Variants in SMAD2 observed in about 807,000 individuals in gnomAD.
SMAD2 encodes SMAD family member 2.
SMAD2 carries 8 observed loss-of-function variants against 64.4 expected under a neutral mutation model. That is an observed-to-expected ratio of 0.12 (90% CI 0.07 to 0.22). The LOEUF (loss-of-function observed/expected upper bound fraction) is 0.22, where lower values mean the gene tolerates loss of function less well. Among genes scored for constraint, SMAD2 ranks in the 10% least tolerant of loss-of-function variants. The probability of loss-of-function intolerance (pLI) is 1.00; values close to 1 mark genes in which losing one functional copy is unlikely to be tolerated. For synonymous variants in SMAD2, 203 were observed against 195.8 expected (o/e 1.04, Z -0.31); for missense variants, 289 against 561.2 (o/e 0.51, Z 4.90).
At chr18:47,920,550 A>C (rs1225960052) in intron 1 of SMAD2, among the ~76,000 whole-genome samples, 2 of 152,246 alleles carry the variant, frequency 1.3e-5, no homozygotes, top group African/African-American at 4.8e-5. Flanking sequence ...AGCTAGTAAC[A>C]GTGGTTACAT....
At chr18:47,847,979 A>G (rs1407293935) in intron 8 of SMAD2, among the ~76,000 whole-genome samples, 1 of 152,172 alleles carries the variant, frequency 6.6e-6, no homozygotes, top group African/African-American at 2.4e-5. Flanking sequence ...ATGTCCCTGA[A>G]TTATATTTTG....
Position 47,834,976 on chromosome 18 carries a change from G to C in SMAD2, c.*6851C>G, listed in dbSNP as rs1741413804. The C allele has an allele frequency of 4.5e-6, 1 of 223,244 alleles. No homozygotes were observed. The highest frequency in any genetic ancestry group is 9.0e-6 in the Non-Finnish European group (1 of 111,636). 13.8% of individuals were successfully genotyped at this position (223,244 alleles called of 1,614,324 possible). ...TTAACTGTGCTCCACCAGGAGGTCT[G>C]GCCTTGGGAAAAGATGGCGAAAGGA... On this transcript the variant is annotated 3_prime_UTR_variant, in exon 11 of 11. Coordinates refer to ENST00000262160, the MANE Select transcript of SMAD2 (RefSeq NM_005901.6).
intron 1 of SMAD2, among the ~76,000 whole-genome samples, chr18:47,900,717 T>C (rs979807541): frequency 6.6e-6 from 1 of 152,124 alleles, no homozygotes; most frequent in Non-Finnish European, 1.5e-5. Context: ...TTCCAATGCA[T>C]AGACTTAAGG....
intron 5 of SMAD2, among the ~76,000 whole-genome samples, chr18:47,866,328 A>AG (rs2031555854): frequency 6.6e-6 from 1 of 150,840 alleles, no homozygotes; most frequent in Admixed American, 6.6e-5. Context: ...AAAAAAAAAA[A>AG]AAAAAAAAAA....
At position 47,830,576 on chromosome 18, in the gene SMAD2, C is replaced by CAAAAAAAAAAAAAAAAAAAAAAAA. The variant is rs5824708; in HGVS notation, c.*11250_*11251insTTTTTTTTTTTTTTTTTTTTTTTT. ...GGGCAACAGAGCAAGACTCTGTCTCCAAAAAAAAAAAAAAAAAATTCGTTT... is the reference window on the plus strand; with the variant it reads ...GGGCAACAGAGCAAGACTCTGTCTCCAAAAAAAAAAAAAAAAAAAAAAAAAAAAAAAAAAAAAAAAAATTCGTTT... On this transcript the variant is annotated 3_prime_UTR_variant, in exon 11 of 11. Coordinates refer to ENST00000262160, the MANE Select transcript of SMAD2 (RefSeq NM_005901.6). 53 of 125,392 alleles carry CAAAAAAAAAAAAAAAAAAAAAAAA rather than the reference C, an allele frequency of 4.2e-4. 2 individuals are homozygous for CAAAAAAAAAAAAAAAAAAAAAAAA. Among genetic ancestry groups the CAAAAAAAAAAAAAAAAAAAAAAAA allele is most frequent in the African/African-American group, 1.7e-3 (52 of 31,110 alleles). 7.8% of individuals were successfully genotyped at this position (125,392 alleles called of 1,614,324 possible).
intron 1 of SMAD2, among the ~76,000 whole-genome samples, chr18:47,909,086 A>G (rs1032944921): frequency 6.6e-6 from 1 of 150,616 alleles, no homozygotes; most frequent in Admixed American, 6.6e-5. Context: ...AAAAAAAAAG[A>G]AAATTTGTGA....
At chr18:47,861,865 A>G (rs916969337) in intron 6 of SMAD2, among the ~76,000 whole-genome samples, 7 of 152,240 alleles carry the variant, frequency 4.6e-5, no homozygotes, top group Admixed American at 4.6e-4. Context: ...GTTAGAACAC[A>G]TAGATGCCTT....
chr18:47,892,198 A>AT (rs35136920), intron 2 of SMAD2, among the ~76,000 whole-genome samples: 2,134 of 142,290 alleles, frequency 0.015, 32 homozygotes, highest in African/African-American at 0.036. Context: ...TTACCTAGAC[A>AT]TTTTTTTTTT....
chr18:47,860,368 C>T (rs1270335871), intron 6 of SMAD2, among the ~76,000 whole-genome samples: 1 of 151,982 alleles, frequency 6.6e-6, no homozygotes, highest in Admixed American at 6.6e-5. Context: ...ACCTCCTGGG[C>T]TCAAGTGACC....
intron 1 of SMAD2, among the ~76,000 whole-genome samples, chr18:47,921,417 C>T (rs923856438): frequency 6.6e-6 from 1 of 152,160 alleles, no homozygotes; most frequent in Non-Finnish European, 1.5e-5. Context: ...AGTAAAGAGA[C>T]TCTTCACTGG....
chr18:47,888,128 T>C lies in SMAD2; in HGVS notation c.236+8393A>G, dbSNP rs1390559969. On this transcript the variant is annotated intron_variant, in intron 2 of 10. Coordinates refer to ENST00000262160, the MANE Select transcript of SMAD2 (RefSeq NM_005901.6). Reference sequence around the variant, plus strand: ...CATTTCCTATTATAACATTCTGCTATAGTTCCAACTCCAGGTAAAATATAA... The same window carrying C: ...CATTTCCTATTATAACATTCTGCTACAGTTCCAACTCCAGGTAAAATATAA... Among the ~76,000 whole-genome samples, 5 of 152,076 alleles carry C rather than the reference T, an allele frequency of 3.3e-5. No homozygotes were observed. The East Asian group carries it at 9.7e-4, about 29-fold the overall frequency.
At chr18:47,911,670 G>A (rs2034140763) in intron 1 of SMAD2, among the ~76,000 whole-genome samples, 1 of 152,192 alleles carries the variant, frequency 6.6e-6, no homozygotes, top group Non-Finnish European at 1.5e-5. Context: ...CAATATAGTA[G>A]AAATGGTGGG....
At chr18:47,855,058 T>C (rs1169852273) in intron 6 of SMAD2, among the ~76,000 whole-genome samples, 1 of 152,202 alleles carries the variant, frequency 6.6e-6, no homozygotes, top group Non-Finnish European at 1.5e-5. Context: ...ACTGCTTCCA[T>C]AGTTCTGCCT....
intron 2 of SMAD2, among the ~76,000 whole-genome samples, chr18:47,881,126 C>A (rs1212780891): frequency 4.6e-5 from 7 of 152,164 alleles, no homozygotes; most frequent in Non-Finnish European, 7.3e-5. Context: ...GAGTGTCAAT[C>A]CCCTCTAAAA....
Position 47,838,027 on chromosome 18 carries a change from G to A in SMAD2, c.*3800C>T, listed in dbSNP as rs974686346. 1.3e-5 allele frequency: 3 copies of A among 232,794 alleles called. No homozygotes were observed. The highest frequency in any genetic ancestry group is 2.2e-5 in the African/African-American group (1 of 45,270). The allele number at this position is 232,794 out of a possible 1,614,324, so 14.4% of individuals were successfully genotyped here. ...AAAGAAAAAAGAGAAGGATCTTAAA[G>A]GTATATATGGGAAGCTTTTAAGAGG... On this transcript the variant is annotated 3_prime_UTR_variant, in exon 11 of 11. Coordinates refer to ENST00000262160, the MANE Select transcript of SMAD2 (RefSeq NM_005901.6).
intron 7 of SMAD2, among the ~76,000 whole-genome samples, chr18:47,850,206 A>G (rs1463141963): frequency 1.1e-5 from 1 of 93,866 alleles, no homozygotes; most frequent in Non-Finnish European, 2.0e-5. Flanking sequence ...GTATATATAT[A>G]TTATTATATA....
Position 47,830,103 on chromosome 18 carries a change from T to C in SMAD2, c.*11724A>G, listed in dbSNP as rs908927453. On this transcript the variant is annotated 3_prime_UTR_variant, in exon 11 of 11. Coordinates refer to ENST00000262160, the MANE Select transcript of SMAD2 (RefSeq NM_005901.6). ...AATTCCTTAGAATATGTGTTTGTGA[T>C]TGACGATGTACATTTTTAAATGTGG... 3 of 152,246 alleles carry C rather than the reference T, an allele frequency of 2.0e-5. No individual in the cohort carries two copies. Among genetic ancestry groups the C allele is most frequent in the African/African-American group, 7.2e-5 (3 of 41,472 alleles). The allele number at this position is 152,246 out of a possible 1,614,324, so 9.4% of individuals were successfully genotyped here.
At chr18:47,895,770 A>C (rs1196080114) in intron 2 of SMAD2, 1 of 152,272 alleles carries the variant, frequency 6.6e-6, no homozygotes, top group Admixed American at 6.5e-5. Flanking sequence ...CAAAGTTCAA[A>C]GTCAAGTAGA....
chr18:47,885,693 G>A (rs2032865007), intron 2 of SMAD2, among the ~76,000 whole-genome samples: 1 of 152,116 alleles, frequency 6.6e-6, no homozygotes, highest in African/African-American at 2.4e-5. Context: ...TGGGCATGGT[G>A]ACTCACGCTT....
Sources: gnomAD v4.1 joint callset for allele counts (sites outside exome capture counted in the v4.1 genomes callset) on GRCh38, gnomAD v4.1.1 for gene constraint, MANE v1.5 for transcripts, NCBI Gene and HGNC (gene_info 2026-07-23, HGNC 2026-07-21) for gene names.